IL1RAPL2: variants seen among roughly 807,000 people sequenced by gnomAD.
IL1RAPL2 encodes X-linked interleukin-1 receptor accessory protein-like 2.
IL1RAPL2 carries 3 observed loss-of-function variants against 44.1 expected under a neutral mutation model. The observed-to-expected ratio is 0.07, with a 90% CI of 0.03 to 0.18. IL1RAPL2 has a LOEUF of 0.18. IL1RAPL2 is among the 10% of genes least tolerant of loss of function. The pLI is 1.00. For missense variants in IL1RAPL2, 391 were observed against 496.4 expected, an observed-to-expected ratio of 0.79 and a Z score of 2.02; for synonymous variants, 181 against 178.8, an observed-to-expected ratio of 1.01 and a Z score of -0.10.
At chrX:105,032,756 G>A (rs1158864296) in intron 2 of IL1RAPL2, among the ~76,000 whole-genome samples, 1 of 111,296 alleles carries the variant, frequency 9.0e-6, no homozygotes, top group Admixed American at 9.6e-5. Flanking sequence ...TTGGTACAGA[G>A]ATGAGTTCAG....
At chrX:104,905,195 G>A (rs1923950389) in intron 2 of IL1RAPL2, among the ~76,000 whole-genome samples, 2 of 111,578 alleles carry the variant, frequency 1.8e-5, no homozygotes, top group South Asian at 7.6e-4. Context: ...TGTAGATTCT[G>A]GATATTAGTC....
At chrX:105,102,727 C>T (rs1465415394) in intron 2 of IL1RAPL2, among the ~76,000 whole-genome samples, 1 of 111,489 alleles carries the variant, frequency 9.0e-6, no homozygotes, top group Non-Finnish European at 1.9e-5. Context: ...GCTGGTAAGT[C>T]CTATAATCTG....
intron 2 of IL1RAPL2, among the ~76,000 whole-genome samples, chrX:105,041,964 C>A (rs2031750413): frequency 9.1e-6 from 1 of 110,321 alleles, no homozygotes; most frequent in African/African-American, 3.3e-5. Flanking sequence ...CTGAGAGAAG[C>A]AAGAAATGGG....
chrX:104,917,498 G>A (rs1478636490), intron 2 of IL1RAPL2, among the ~76,000 whole-genome samples: 2 of 111,459 alleles, frequency 1.8e-5, no homozygotes, highest in African/African-American at 3.3e-5. Context: ...AAAAACCTTG[G>A]GGAAGCTCCC....
intron 2 of IL1RAPL2, among the ~76,000 whole-genome samples, chrX:104,796,758 TC>T (rs1932851540): frequency 9.0e-6 from 1 of 110,859 alleles, no homozygotes. Flanking sequence ...GTTTTTTGGT[TC>T]TTTTTTTGTT....
chrX:104,847,507 G>A lies in IL1RAPL2; in HGVS notation c.82+188512G>A, dbSNP rs192333509. On this transcript the variant is annotated intron_variant, in intron 2 of 10. Coordinates refer to ENST00000372582, the MANE Select transcript of IL1RAPL2 (RefSeq NM_017416.2). ...TGTCAAAGATCAGATGGTTGTAGAT[G>A]TGTGGTATTATTTCTGAGGGGTCTG... Among the ~76,000 whole-genome samples, 9 of 111,411 alleles carry A rather than the reference G, an allele frequency of 8.1e-5. No homozygotes were observed. The East Asian group carries it at 2.5e-3, about 31-fold the overall frequency.
At chrX:104,893,108 G>C (rs906974121) in intron 2 of IL1RAPL2, among the ~76,000 whole-genome samples, 4 of 112,106 alleles carry the variant, frequency 3.6e-5, no homozygotes, top group African/African-American at 1.3e-4. Context: ...TTTTGAGTGA[G>C]TTTCTTAATC....
chrX:104,960,894 A>G (rs2029992140), intron 2 of IL1RAPL2, among the ~76,000 whole-genome samples: 1 of 111,797 alleles, frequency 8.9e-6, no homozygotes, highest in South Asian at 3.7e-4. Context: ...CTGAGAACTC[A>G]GCATCTGCAG....
chrX:105,678,942 A>C (rs962813226), intron 6 of IL1RAPL2, among the ~76,000 whole-genome samples: 2 of 112,041 alleles, frequency 1.8e-5, no homozygotes, highest in Admixed American at 9.5e-5. Context: ...AAAATGCATA[A>C]ATGAAAAAGG....
chrX:104,851,556 G>A (rs746138407), intron 2 of IL1RAPL2, among the ~76,000 whole-genome samples: 4 of 111,377 alleles, frequency 3.6e-5, no homozygotes, highest in Non-Finnish European at 5.7e-5. Context: ...GAGAAGATTC[G>A]CCAGGGCAGA....
At chrX:105,332,112 G>T (rs772638109) in intron 5 of IL1RAPL2, among the ~76,000 whole-genome samples, 2 of 110,111 alleles carry the variant, frequency 1.8e-5, no homozygotes, top group African/African-American at 6.6e-5. Context: ...GGGACCAGAA[G>T]CAAATGCAGG....
chrX:105,252,905 T>A (rs1412588206), intron 4 of IL1RAPL2, among the ~76,000 whole-genome samples: 7 of 107,683 alleles, frequency 6.5e-5, no homozygotes, highest in Non-Finnish European at 1.3e-4. Flanking sequence ...TACATTTGAA[T>A]CCAGCCACTC....
intron 3 of IL1RAPL2, among the ~76,000 whole-genome samples, chrX:105,203,001 C>G (rs904661973): frequency 8.1e-5 from 9 of 111,438 alleles, no homozygotes; most frequent in African/African-American, 2.3e-4. Flanking sequence ...ATCATCTCCA[C>G]TCCTCAGATC....
At chrX:105,391,448 C>T (rs906045662) in intron 5 of IL1RAPL2, among the ~76,000 whole-genome samples, 1 of 100,873 alleles carries the variant, frequency 9.9e-6, no homozygotes, top group Admixed American at 1.1e-4. Context: ...CAATGAGATA[C>T]CATCTCACAC....
chrX:105,004,322 G>C (rs1424354397), intron 2 of IL1RAPL2, among the ~76,000 whole-genome samples: 1 of 110,744 alleles, frequency 9.0e-6, no homozygotes, highest in Non-Finnish European at 1.9e-5. Context: ...GGTCAAAGCT[G>C]GCAGTTGTGT....
At chrX:105,411,820 C>G (rs1045102249) in intron 5 of IL1RAPL2, among the ~76,000 whole-genome samples, 2 of 111,861 alleles carry the variant, frequency 1.8e-5, no homozygotes, top group African/African-American at 6.5e-5. Flanking sequence ...CAAACATTTA[C>G]AGAACATTCC....
intron 2 of IL1RAPL2, among the ~76,000 whole-genome samples, chrX:104,984,805 C>T (rs1156889238): frequency 2.7e-5 from 3 of 111,465 alleles, no homozygotes; most frequent in Non-Finnish European, 5.7e-5. Flanking sequence ...TAGGGATGAA[C>T]GTGATCTCTT....
At chrX:105,417,555 G>A (rs971503470) in intron 5 of IL1RAPL2, among the ~76,000 whole-genome samples, 9 of 112,863 alleles carry the variant, frequency 8.0e-5, no homozygotes, top group Non-Finnish European at 1.7e-4. Context: ...TTCATCACAT[G>A]TACTAAAATT....
In IL1RAPL2 at chrX:105,627,743, T is replaced by A. The variant is rs549005945; in HGVS notation, c.773-89624T>A. Reference sequence around the variant, plus strand: ...CAGATCTATTCCTGGCCCTAATGAATACAGTTTTATCTTATCATTTTGTGA... The same window carrying A: ...CAGATCTATTCCTGGCCCTAATGAAAACAGTTTTATCTTATCATTTTGTGA... On this transcript the variant is annotated intron_variant, in intron 6 of 10. Transcript: ENST00000372582. Among the ~76,000 whole-genome samples the A allele has an allele frequency of 7.3e-4, 82 of 111,828 alleles. 1 individual carries two copies. The South Asian group carries it at 0.03, about 42-fold the overall frequency.
Sources: allele counts gnomAD v4.1 joint callset (sites outside exome capture counted in the v4.1 genomes callset), GRCh38; gene constraint gnomAD v4.1.1; transcripts MANE v1.5; gene names NCBI Gene and HGNC (gene_info 2026-07-23, HGNC 2026-07-21).